AHRR: variants seen among roughly 807,000 people sequenced by gnomAD.
The protein encoded by AHRR is aryl hydrocarbon receptor repressor.
A neutral mutation model predicts 44.0 loss-of-function variants in AHRR; 28 were observed. The ratio of observed to expected loss-of-function variants is 0.64; its 90% CI spans 0.47 to 0.87. AHRR has a LOEUF of 0.87. AHRR is among the 40% of genes least tolerant of loss of function. The probability of loss-of-function intolerance (pLI) is 0.00; values close to 1 mark genes in which losing one functional copy is unlikely to be tolerated. For missense variants in AHRR, 990 were observed against 953.9 expected, an observed-to-expected ratio of 1.04 and a Z score of -0.50; for synonymous variants, 434 against 407.0, an observed-to-expected ratio of 1.07 and a Z score of -0.80.
At chr5:382,152 G>T (rs1454704363) in intron 4 of AHRR, among the ~76,000 whole-genome samples, 1 of 152,162 alleles carries the variant, frequency 6.6e-6, no homozygotes, top group Non-Finnish European at 1.5e-5. Context: ...ATTTTGATGG[G>T]TTTGAATATC....
intron 1 of AHRR, among the ~76,000 whole-genome samples, chr5:332,474 G>T (rs1273533223): frequency 6.6e-6 from 1 of 151,896 alleles, no homozygotes; most frequent in African/African-American, 2.4e-5. Flanking sequence ...CACCATGTTG[G>T]CCAGGCTGGT....
In AHRR at chr5:326,074, C is replaced by T. The variant is rs1741696812; in HGVS notation, c.-11+4255C>T. Among the ~76,000 whole-genome samples the T allele has an allele frequency of 1.3e-5, 2 of 152,216 alleles. No homozygotes were observed. Among genetic ancestry groups the T allele is most frequent in the African/African-American group, 2.4e-5 (1 of 41,452 alleles). The stretch of plus-strand genomic sequence containing the variant: ...CTGGGATTACAGGCGTGAGCCACTG[C>T]GGCCGGCCTCTTTGTATTTTCTCGT... On this transcript the variant is annotated intron_variant, in intron 1 of 10. Transcript: ENST00000684583. The surrounding 1 kb of genome is among the most constrained non-coding windows in gnomAD (Gnocchi z 4.1).
rs886494231 is a variant in AHRR at position 340,642 on chromosome 5, C to T, written c.-10-3251C>T. On this transcript the variant is annotated intron_variant, in intron 1 of 10. Coordinates refer to ENST00000684583, the MANE Select transcript of AHRR (RefSeq NM_001377236.1). ...GCTCAACATAGGAATTTTGGGTGGA[C>T]GCAATTATGTTCACAGCAATATTAT... Among the ~76,000 whole-genome samples the T allele has an allele frequency of 7.7e-5, 9 of 116,544 alleles. No homozygotes were observed. The South Asian group carries it at 2.1e-3, about 27-fold the overall frequency. 76.5% of individuals were successfully genotyped at this position (116,544 alleles called of 152,430 possible).
At chr5:363,197 C>A (rs1306627681) in intron 3 of AHRR, among the ~76,000 whole-genome samples, 2 of 152,200 alleles carry the variant, frequency 1.3e-5, no homozygotes, top group Admixed American at 6.5e-5. Context: ...TTCCAACCCT[C>A]CAGTGGGAGG....
intron 4 of AHRR, among the ~76,000 whole-genome samples, chr5:393,209 C>CA (rs1272656512): frequency 3.3e-5 from 5 of 152,362 alleles, no homozygotes; most frequent in African/African-American, 1.2e-4. Context: ...GTTCCCCCAG[C>CA]AGGGCCTGTG....
At position 405,330 on chromosome 5, in the gene AHRR, C is replaced by T. The variant is rs1450677300; in HGVS notation, c.352-8014C>T. The stretch of plus-strand genomic sequence containing the variant: ...GTGGATGCAGATGTCCTGCGGGGTC[C>T]GTTTCCCTTTCTCTAGAAACGTGGT... On this transcript the variant is annotated intron_variant, in intron 4 of 10. Coordinates refer to ENST00000684583, the MANE Select transcript of AHRR (RefSeq NM_001377236.1). This position sits in a 1 kb window ranked among gnomAD's most constrained non-coding sequence, Gnocchi z 4.5. Among the ~76,000 whole-genome samples the T allele has an allele frequency of 2.0e-5, 3 of 152,144 alleles. No homozygotes were observed. Among genetic ancestry groups the T allele is most frequent in the South Asian group, 2.1e-4 (1 of 4,826 alleles).
chr5:412,080 A>G (rs377126014), intron 4 of AHRR, among the ~76,000 whole-genome samples: 22 of 152,352 alleles, frequency 1.4e-4, no homozygotes, highest in African/African-American at 5.0e-4. Context: ...AAAACGCCAC[A>G]TCAAGCACAA....
chr5:365,364 T>C (rs1345947604), intron 3 of AHRR, among the ~76,000 whole-genome samples: 11 of 152,124 alleles, frequency 7.2e-5, no homozygotes. Context: ...TGAAAACCCG[T>C]ATAGTTGGAA....
Position 422,837 on chromosome 5 carries a change from C to T in AHRR, c.550C>T (p.Gln184Ter). The T allele has an allele frequency of 6.2e-7, 1 of 1,613,082 alleles. No homozygotes were observed. Among genetic ancestry groups the T allele is most frequent in the Non-Finnish European group, 8.5e-7 (1 of 1,179,338 alleles). Residue 184 changes from glutamine (Q) to a stop codon, truncating the protein, a stop_gained, in exon 6 of 11, where the codon CAG becomes TAG. Transcript: ENST00000684583. LOFTEE classifies it high-confidence loss of function. ...AMDPPQVVFGQPPPLETGDDA... is the reference protein window; with the variant it reads ...AMDPPQVVFG Reference sequence around the variant, plus strand: ...GGACCCTCCCCAGGTGGTGTTTGGGCAGCCCCCGCCCTTGGAGACAGGTGG... The same window carrying T: ...GGACCCTCCCCAGGTGGTGTTTGGGTAGCCCCCGCCCTTGGAGACAGGTGG...
At chr5:402,648 T>C (rs1735066282) in intron 4 of AHRR, among the ~76,000 whole-genome samples, 1 of 151,920 alleles carries the variant, frequency 6.6e-6, no homozygotes, top group African/African-American at 2.4e-5. Flanking sequence ...GGAACTTCCA[T>C]GCAACGCAGC....
In AHRR at chr5:388,363, C is replaced by T. The variant is rs975966135; in HGVS notation, c.351+11647C>T. Among the ~76,000 whole-genome samples the T allele has an allele frequency of 6.6e-6, 1 of 152,240 alleles. No homozygotes were observed. Among genetic ancestry groups the T allele is most frequent in the Non-Finnish European group, 1.5e-5 (1 of 68,038 alleles). On this transcript the variant is annotated intron_variant, in intron 4 of 10. Transcript: ENST00000684583. The surrounding 1 kb of genome is among the most constrained non-coding windows in gnomAD (Gnocchi z 5.2). The stretch of plus-strand genomic sequence containing the variant: ...CAAGACTGTGAAGCTCATGGACTCA[C>T]GCAGCCATCCATCGATGGCTATGGG...
At chr5:398,018 A>G (rs867424005) in intron 4 of AHRR, among the ~76,000 whole-genome samples, 10 of 108,936 alleles carry the variant, frequency 9.2e-5, no homozygotes, top group South Asian at 3.5e-4. Context: ...GCCCCTGACC[A>G]TCCACGTAGC....
chr5:422,906 C>T lies in AHRR; in HGVS notation c.571+48C>T. 5 of 1,559,918 alleles carry T rather than the reference C, an allele frequency of 3.2e-6. No individual in the cohort carries two copies. In the Admixed American group the frequency reaches 5.8e-5, roughly 18 times the overall value. ...AGTCAGCAAAACCTAAAGCAGGTCC[C>T]ATAACACATCGCTGCCTCTGGAAAT... On this transcript the variant is annotated intron_variant, in intron 6 of 10. Coordinates refer to ENST00000684583, the MANE Select transcript of AHRR (RefSeq NM_001377236.1).
At chr5:408,157 C>T (rs559832619) in intron 4 of AHRR, among the ~76,000 whole-genome samples, 20 of 152,204 alleles carry the variant, frequency 1.3e-4, no homozygotes, top group Non-Finnish European at 2.4e-4. Flanking sequence ...TGTGTTCCAG[C>T]GAGGCTCTGT....
At chr5:364,702 C>A (rs1743294575) in intron 3 of AHRR, among the ~76,000 whole-genome samples, 1 of 151,804 alleles carries the variant, frequency 6.6e-6, no homozygotes. Flanking sequence ...AACATAACAA[C>A]TAAAAGATAA....
chr5:423,694 A>C, intron 6 of AHRR, 147 bp from the exon 7 acceptor site: 1 of 1,139,756 alleles, frequency 8.8e-7, no homozygotes, highest in Non-Finnish European at 1.2e-6. Flanking sequence ...TTTGAGTGAC[A>C]TCTAGAGGGA....
At chr5:354,908 A>G (rs1404368296) in intron 3 of AHRR, among the ~76,000 whole-genome samples, 1 of 152,172 alleles carries the variant, frequency 6.6e-6, no homozygotes, top group African/African-American at 2.4e-5. Flanking sequence ...CGGGAAGGAA[A>G]GTCACGGTGA....
chr5:394,568 G>C (rs1480756138), intron 4 of AHRR, among the ~76,000 whole-genome samples: 1 of 69,428 alleles, frequency 1.4e-5, no homozygotes, highest in Non-Finnish European at 2.8e-5. Context: ...TTTCCTCCCT[G>C]TGTGCTGGAG....
chr5:404,463 G>A lies in AHRR; in HGVS notation c.352-8881G>A, dbSNP rs182255439. On this transcript the variant is annotated intron_variant, in intron 4 of 10. Transcript: ENST00000684583. The surrounding 1 kb of genome is among the most constrained non-coding windows in gnomAD (Gnocchi z 4.1). ...CCACTGTGCTGGTGCTGTCGTGCAC[G>A]GTGTGTTCACCAAAACATCTAACGC... The A allele has an allele frequency of 2.2e-4, 113 of 502,714 alleles. 1 individual carries two copies. The East Asian group carries it at 5.1e-3, about 23-fold the overall frequency. The allele number at this position is 502,714 out of a possible 1,614,324, so 31.1% of individuals were successfully genotyped here.
Sources: allele counts gnomAD v4.1 joint callset (sites outside exome capture counted in the v4.1 genomes callset), GRCh38; gene constraint gnomAD v4.1.1; non-coding constraint Gnocchi (gnomAD v3.1); transcripts MANE v1.5; gene names NCBI Gene and HGNC (gene_info 2026-07-23, HGNC 2026-07-21).